Variants in CDH12 observed in about 807,000 individuals in gnomAD.
The protein encoded by CDH12 is cadherin-12.
In CDH12, 41 loss-of-function variants were observed where a neutral mutation model predicts 74.1. That is an observed-to-expected ratio of 0.55 (90% CI 0.43 to 0.72). The LOEUF is 0.72. CDH12 is among the 30% of genes least tolerant of loss of function. The probability of loss-of-function intolerance (pLI) is 0.00; values close to 1 mark genes in which losing one functional copy is unlikely to be tolerated. For missense variants in CDH12, 945 were observed against 977.2 expected, an observed-to-expected ratio of 0.97 and a Z score of 0.44; for synonymous variants, 399 against 355.0, an observed-to-expected ratio of 1.12 and a Z score of -1.39.
chr5:22,349,790 A>G (rs1740281676), intron 3 of CDH12, among the ~76,000 whole-genome samples: 1 of 152,102 alleles, frequency 6.6e-6, no homozygotes. Context: ...GCTGGAGTGC[A>G]GTGGCGCAAT....
intron 8 of CDH12, among the ~76,000 whole-genome samples, chr5:21,824,572 C>A (rs937889188): frequency 6.6e-5 from 10 of 152,172 alleles, no homozygotes; most frequent in African/African-American, 2.4e-4. Context: ...CCAAACACAG[C>A]CTTGTTCTCT....
At chr5:22,182,858 G>GATTCTACAACTC (rs1400337843) in intron 4 of CDH12, among the ~76,000 whole-genome samples, 1 of 151,758 alleles carries the variant, frequency 6.6e-6, no homozygotes, top group African/African-American at 2.4e-5. Context: ...CTCTACAACT[G>GATTCTACAACTC]ATTAGAGCTT....
At chr5:21,935,219 T>C (rs556635518) in intron 6 of CDH12, among the ~76,000 whole-genome samples, 133 of 152,330 alleles carry the variant, frequency 8.7e-4, no homozygotes, top group Non-Finnish European at 8.8e-4. Context: ...ACAGTGCTTC[T>C]CAGTGATGAG....
At chr5:22,614,153 T>C (rs1019815962) in intron 1 of CDH12, among the ~76,000 whole-genome samples, 3 of 152,092 alleles carry the variant, frequency 2.0e-5, no homozygotes, top group African/African-American at 7.2e-5. Context: ...AGATCAGATT[T>C]CATTTATGTA....
chr5:22,209,530 CCTGAGAGTGTGTCAACCT>C (rs1051430762), intron 4 of CDH12, among the ~76,000 whole-genome samples: 2 of 151,762 alleles, frequency 1.3e-5, no homozygotes, highest in African/African-American at 4.8e-5. Context: ...TTTATTTTAT[CCTGAGAGTGTGTCAACCT>C]CTCTTGGAAA....
chr5:21,751,806 T>G lies in CDH12; in HGVS notation c.2316A>C (p.Gly772=), dbSNP rs752864236. ...DQDYDYLTDW[G]PRFKVLADMF... is the part of the protein sequence containing the mutation. ...TGTCTGCCAAGACTTTAAAGCGGGG[T>G]CCCCAGTCTGTCAGATAGTCATAGT... Residue 772 remains glycine (G), a synonymous_variant, in exon 15 of 15, where the codon GGA becomes GGC. Coordinates refer to ENST00000382254, the MANE Select transcript of CDH12 (RefSeq NM_004061.5). 3.7e-5 allele frequency: 60 copies of G among 1,613,908 alleles called. No individual in the cohort carries two copies. The highest frequency in any genetic ancestry group is 4.9e-5 in the Non-Finnish European group (58 of 1,180,006).
intron 7 of CDH12, among the ~76,000 whole-genome samples, chr5:21,842,644 C>T (rs1284342510): frequency 1.3e-5 from 2 of 151,954 alleles, no homozygotes; most frequent in African/African-American, 2.4e-5. Context: ...ACGATCCTAT[C>T]TTTAAAAAGA....
At chr5:22,664,591 T>A (rs1387398651) in intron 1 of CDH12, among the ~76,000 whole-genome samples, 3 of 152,328 alleles carry the variant, frequency 2.0e-5, no homozygotes, top group Middle Eastern at 3.4e-3. Context: ...AAAGCCTAAC[T>A]ATATCAAATG....
At chr5:21,757,533 A>G (rs950065992) in intron 13 of CDH12, among the ~76,000 whole-genome samples, 1 of 152,170 alleles carries the variant, frequency 6.6e-6, no homozygotes, top group African/African-American at 2.4e-5. Flanking sequence ...AAGACATACT[A>G]TATTTTATTT....
chr5:21,961,548 T>C (rs114457706), intron 6 of CDH12, among the ~76,000 whole-genome samples: 3,656 of 152,278 alleles, frequency 0.024, 125 homozygotes, highest in African/African-American at 0.067. Context: ...TGCGACCTTA[T>C]TTAAAGATAG....
chr5:21,911,819 A>C (rs1379693875), intron 6 of CDH12, among the ~76,000 whole-genome samples: 1 of 152,108 alleles, frequency 6.6e-6, no homozygotes, highest in African/African-American at 2.4e-5. Context: ...AGTACATTCA[A>C]ATTTTATTTT....
At chr5:22,580,207 A>G (rs1740013566) in intron 1 of CDH12, 2 of 299,626 alleles carry the variant, frequency 6.7e-6, no homozygotes, top group Non-Finnish European at 1.3e-5. Flanking sequence ...TATTATTCAT[A>G]AAATTGCCAA....
In CDH12 at chr5:22,410,552, A is replaced by G. The variant is rs2126471375; in HGVS notation, c.-427-5201T>C. ...CTACATGGCTATCTATATTTTGTTG[A>G]TCCTAAGTATAAAAATAGACCATTT... On this transcript the variant is annotated intron_variant, in intron 2 of 14. Coordinates refer to ENST00000382254, the MANE Select transcript of CDH12 (RefSeq NM_004061.5). Among the ~76,000 whole-genome samples, 2 of 152,214 alleles carry G rather than the reference A, an allele frequency of 1.3e-5. 1 individual carries two copies. The highest frequency in any genetic ancestry group is 3.9e-4 in the East Asian group (2 of 5,174).
chr5:22,654,470 A>G (rs977168158), intron 1 of CDH12, among the ~76,000 whole-genome samples: 3 of 151,586 alleles, frequency 2.0e-5, no homozygotes, highest in Non-Finnish European at 4.4e-5. Flanking sequence ...TGGTATTTTT[A>G]GTAGAGACAG....
chr5:22,712,577 T>C (rs928314162), intron 1 of CDH12, among the ~76,000 whole-genome samples: 1 of 152,166 alleles, frequency 6.6e-6, no homozygotes, highest in Non-Finnish European at 1.5e-5. Context: ...ATAATCATAA[T>C]GATATGAAAA....
intron 2 of CDH12, among the ~76,000 whole-genome samples, chr5:22,452,006 C>A (rs982664721): frequency 6.6e-6 from 1 of 151,656 alleles, no homozygotes. Context: ...CCTAAGAATG[C>A]ATTTAACCAA....
At chr5:22,216,367 T>C (rs1351497460) in intron 3 of CDH12, among the ~76,000 whole-genome samples, 1 of 151,942 alleles carries the variant, frequency 6.6e-6, no homozygotes, top group Non-Finnish European at 1.5e-5. Flanking sequence ...TGGGGATATA[T>C]GAAGATATTT....
chr5:22,622,109 C>G (rs1738004293), intron 1 of CDH12, among the ~76,000 whole-genome samples: 1 of 151,862 alleles, frequency 6.6e-6, no homozygotes. Context: ...TATTACAAAT[C>G]AATCTGAAAA....
At chr5:22,411,866 G>T (rs957994867) in intron 2 of CDH12, among the ~76,000 whole-genome samples, 3 of 151,946 alleles carry the variant, frequency 2.0e-5, no homozygotes, top group Non-Finnish European at 4.4e-5. Context: ...CAATTTCTCT[G>T]TTGGCTTGAT....
Sources: allele counts gnomAD v4.1 joint callset (sites outside exome capture counted in the v4.1 genomes callset), GRCh38; gene constraint gnomAD v4.1.1; transcripts MANE v1.5; gene names NCBI Gene and HGNC (gene_info 2026-07-23, HGNC 2026-07-21).